Variants in DLAT observed in about 807,000 individuals in gnomAD.
DLAT encodes dihydrolipoamide S-acetyltransferase.
A neutral mutation model predicts 68.0 loss-of-function variants in DLAT; 43 were observed. The observed-to-expected ratio is 0.63, with a 90% CI of 0.50 to 0.81. The LOEUF (loss-of-function observed/expected upper bound fraction) is 0.81. Among genes scored for constraint, DLAT ranks in the 40% least tolerant of loss-of-function variants. The pLI is 0.00. For synonymous variants in DLAT, 265 were observed against 288.6 expected, an observed-to-expected ratio of 0.92 and a Z score of 0.83; for missense variants, 745 against 815.4, an observed-to-expected ratio of 0.91 and a Z score of 1.05.
At position 112,064,152 on chromosome 11, in the gene DLAT, A is replaced by C. The variant is rs782330353; in HGVS notation, c.*1617A>C. On this transcript the variant is annotated 3_prime_UTR_variant, in exon 14 of 14. Coordinates refer to ENST00000280346, the MANE Select transcript of DLAT (RefSeq NM_001931.5). ...AAGGGACCATCATCAATATGATCCA[A>C]ATCTGGTTCAAACATTCAAAACTTC... 2.8e-5 allele frequency: 43 copies of C among 1,554,160 alleles called. No individual in the cohort carries two copies. Among genetic ancestry groups the C allele is most frequent in the Non-Finnish European group, 3.7e-5 (42 of 1,148,132 alleles).
intron 11 of DLAT, 125 bp from the exon 12 acceptor site, chr11:112,059,778 T>C: frequency 4.1e-6 from 3 of 735,180 alleles, no homozygotes; most frequent in Non-Finnish European, 6.4e-6. Context: ...TTTTTGTCTT[T>C]GGCTGAACAA....
At position 112,025,737 on chromosome 11, in the gene DLAT, C is replaced by T; in HGVS notation, c.265C>T (p.Pro89Ser). The stretch of plus-strand genomic sequence containing the variant: ...GCCCGGCCGCCGCTATTACAGTCTT[C>T]CCCCGCATCAGAAGGTGAGCCCTAG... ...GSPGRRYYSLPPHQKVPLPSL... is the reference protein window; with the variant it reads ...GSPGRRYYSLSPHQKVPLPSL... The change falls in exon 1 of 14, where the codon CCC (proline) becomes TCC (serine). Residue 89 changes from proline to serine, a missense_variant. Pro to Ser is a moderately conservative substitution (Grantham distance 74). Transcript: ENST00000280346. 1.2e-6 allele frequency: 2 copies of T among 1,613,300 alleles called. No homozygotes were observed. Among genetic ancestry groups the T allele is most frequent in the Non-Finnish European group, 8.5e-7 (1 of 1,179,964 alleles).
At chr11:112,028,442 A>ATT in intron 2 of DLAT, 73 bp from the exon 3 acceptor site, 1 of 1,488,914 alleles carries the variant, frequency 6.7e-7, no homozygotes, top group Non-Finnish European at 9.1e-7. Flanking sequence ...AAAAAAAAAA[A>ATT]AAATTCTAGA....
chr11:112,047,314 TG>T (rs1555181575), intron 10 of DLAT, among the ~76,000 whole-genome samples: 1 of 152,104 alleles, frequency 6.6e-6, no homozygotes. Context: ...TGGGGTCATT[TG>T]TTTTTTTCTT....
chr11:112,045,830 G>C, intron 9 of DLAT, 33 bp from the exon 10 acceptor site: 1 of 1,410,614 alleles, frequency 7.1e-7, no homozygotes, highest in South Asian at 1.2e-5. Flanking sequence ...CTTAACTCAA[G>C]ATAATTGATT....
chr11:112,030,077 G>T, intron 4 of DLAT: 1 of 876,652 alleles, frequency 1.1e-6, no homozygotes, highest in Non-Finnish European at 1.9e-6. Flanking sequence ...TAAAATTTTC[G>T]TCTGCGAATG....
intron 11 of DLAT, among the ~76,000 whole-genome samples, chr11:112,059,491 C>T (rs969704425): frequency 1.3e-5 from 2 of 151,894 alleles, no homozygotes; most frequent in Admixed American, 1.3e-4. Flanking sequence ...CTCCCAGGTT[C>T]AAGTGGTTCT....
intron 11 of DLAT, among the ~76,000 whole-genome samples, chr11:112,053,304 A>G (rs1188261209): frequency 2.6e-5 from 4 of 152,108 alleles, no homozygotes; most frequent in Non-Finnish European, 5.9e-5. Flanking sequence ...CCTGGGTGAT[A>G]AGAGCAAAAC....
At position 112,064,111 on chromosome 11, in the gene DLAT, GAAAC is replaced by G; in HGVS notation, c.*1579_*1582del. 7.3e-7 allele frequency: 1 copy of G among 1,372,648 alleles called. No homozygotes were observed. The highest frequency in any genetic ancestry group is 9.8e-7 in the Non-Finnish European group (1 of 1,017,932). The allele number at this position is 1,372,648 out of a possible 1,614,324, so 85.0% of individuals were successfully genotyped here. A position where few individuals can be genotyped will look rare whatever the true frequency, so the allele number is the denominator to read the frequency against. Reference sequence around the variant, plus strand: ...ATTTTAGGTTGAAGATTATCCAAAAGAAACAAGCTTATCACAAGGGACCATCATC... The same window carrying G: ...ATTTTAGGTTGAAGATTATCCAAAAGAAGCTTATCACAAGGGACCATCATC... On this transcript the variant is annotated 3_prime_UTR_variant, in exon 14 of 14. Transcript: ENST00000280346.
rs782807951 is a variant in DLAT at position 112,045,954 on chromosome 11, G to A, written c.1382G>A (p.Arg461Gln). Residue 461 changes from arginine (R) to glutamine (Q), a missense_variant, in exon 10 of 14, where the codon CGG becomes CAG. Transcript: ENST00000280346. ...AATATGGGAGAAGTTTTGTTGGTAC[G>A]GAAAGAACTTAATAAGGTAAAAGTT... ...DVNMGEVLLV[R>Q]KELNKILEGR... The A allele has an allele frequency of 3.6e-5, 58 of 1,596,908 alleles. No homozygotes were observed. Among genetic ancestry groups the A allele is most frequent in the South Asian group, 2.1e-4 (19 of 90,604 alleles).
intron 2 of DLAT, among the ~76,000 whole-genome samples, chr11:112,026,658 C>G (rs1351513491): frequency 6.6e-6 from 1 of 152,330 alleles, no homozygotes; most frequent in East Asian, 1.9e-4. Context: ...CACAGATCAA[C>G]AGGATAAGAA....
In DLAT at chr11:112,060,074, T is replaced by C. The variant is rs368477013; in HGVS notation, c.1677+9T>C. ...AGCCACATGAATTCCAGGTAGGGTA[T>C]TAATTATTGCTTTCTAATTATGTTA... On this transcript the variant is annotated intron_variant, in intron 12 of 13. Transcript: ENST00000280346. 142 of 1,612,638 alleles carry C rather than the reference T, an allele frequency of 8.8e-5. No homozygotes were observed. The highest frequency in any genetic ancestry group is 1.1e-4 in the Non-Finnish European group (131 of 1,178,872).
intron 10 of DLAT, among the ~76,000 whole-genome samples, chr11:112,048,638 A>G (rs572548): frequency 0.051 from 7,715 of 152,040 alleles, 670 homozygotes; most frequent in African/African-American, 0.17. Context: ...GGTTCAAGCA[A>G]TTCTCGTCCC....
At chr11:112,036,201 GTTTTTTTTTTTTTT>G (rs1167345612) in intron 5 of DLAT, among the ~76,000 whole-genome samples, 2 of 36,474 alleles carry the variant, frequency 5.5e-5, no homozygotes, top group African/African-American at 1.8e-4. Context: ...GTGTGTGTGT[GTTTTTTTTTTTTTT>G]TTTTTTTTTT....
chr11:112,055,400 C>A (rs1007616868), intron 11 of DLAT, among the ~76,000 whole-genome samples: 1 of 151,820 alleles, frequency 6.6e-6, no homozygotes, highest in Non-Finnish European at 1.5e-5. Context: ...TGCACCACCA[C>A]GCCCGGCTAA....
In DLAT at chr11:112,026,303, A is replaced by ATTT; in HGVS notation, c.381+4_381+5insTTT. 1 of 1,351,252 alleles carries ATTT rather than the reference A, an allele frequency of 7.4e-7. No homozygotes were observed. Among genetic ancestry groups the ATTT allele is most frequent in the Non-Finnish European group, 9.8e-7 (1 of 1,018,332 alleles). 83.7% of individuals were successfully genotyped at this position (1,351,252 alleles called of 1,614,324 possible). A position where few individuals can be genotyped will look rare whatever the true frequency, so the allele number is the denominator to read the frequency against. On this transcript the variant is annotated splice_donor_region_variant and intron_variant, in intron 2 of 13. Coordinates refer to ENST00000280346, the MANE Select transcript of DLAT (RefSeq NM_001931.5). ...TGAAGGTGACCTAATTGCAGAGGTA[A>ATTT]GTTTTTTTTTTTTTTTTTAATTAAT... is the stretch of plus-strand genomic sequence containing the variant.
rs1555183223 is a variant in DLAT, at chr11:112,061,114, C to G, written c.1754C>G (p.Ala585Gly). The change falls in exon 13 of 14, where the codon GCA becomes GGA. Residue 585 changes from alanine (A) to glycine (G), a missense_variant. By Grantham distance (60) the Ala-to-Gly change is moderately conservative (BLOSUM62 0). Coordinates refer to ENST00000280346, the MANE Select transcript of DLAT (RefSeq NM_001931.5). Reference sequence around the variant, plus strand: ...TCTGCTATTATTAACCCACCTCAAGCATGTATTTTGGCAATTGGTGCTTCA... The same window carrying G: ...TCTGCTATTATTAACCCACCTCAAGGATGTATTTTGGCAATTGGTGCTTCA... ...NFSAIINPPQACILAIGASED... is the reference protein window; with the variant it reads ...NFSAIINPPQGCILAIGASED... 6.2e-7 allele frequency: 1 copy of G among 1,614,056 alleles called. No homozygotes were observed. The highest frequency in any genetic ancestry group is 8.5e-7 in the Non-Finnish European group (1 of 1,179,958).
Position 112,051,312 on chromosome 11 carries a change from G to T in DLAT, c.1477G>T (p.Glu493Ter), listed in dbSNP as rs782632175. The change falls in exon 11 of 14, where the codon GAA becomes TAA. Residue 493 changes from glutamate to a stop codon, truncating the protein, a stop_gained. Transcript: ENST00000280346. LOFTEE classifies it high-confidence loss of function. This position sits in a 1 kb window ranked among gnomAD's most constrained non-coding sequence, Gnocchi z 4.3. ...AGCTTTGGCATGTTTAAAAGTTCCC[G>T]AAGCAAATTCTTCTTGGATGGACAC... ...ASALACLKVP[E>*]ANSSWMDTVI... 2.5e-6 allele frequency: 4 copies of T among 1,613,488 alleles called. No homozygotes were observed.
intron 4 of DLAT, among the ~76,000 whole-genome samples, chr11:112,029,387 C>A (rs587662042): frequency 6.6e-6 from 1 of 152,042 alleles, no homozygotes; most frequent in African/African-American, 2.4e-5. Context: ...AGAAGCAGGG[C>A]GCCAGCATCT....
Sources: allele counts gnomAD v4.1 joint callset (sites outside exome capture counted in the v4.1 genomes callset), GRCh38; gene constraint gnomAD v4.1.1; non-coding constraint Gnocchi (gnomAD v3.1); transcripts MANE v1.5; gene names NCBI Gene and HGNC (gene_info 2026-07-23, HGNC 2026-07-21).